Variants in KCNQ5 observed in about 807,000 individuals in gnomAD.
KCNQ5 encodes the protein potassium voltage-gated channel subfamily Q member 5, also known as potassium voltage-gated channel subfamily KQT member 5.
KCNQ5 carries 30 observed loss-of-function variants against 98.2 expected under a neutral mutation model. That is an observed-to-expected ratio of 0.31 (90% CI 0.23 to 0.41). The LOEUF is 0.41. KCNQ5 is among the 10% of genes least tolerant of loss of function. The pLI, the probability that KCNQ5 is intolerant of heterozygous loss-of-function variation, is 1.00. For synonymous variants in KCNQ5, 458 were observed against 449.4 expected, an observed-to-expected ratio of 1.02 and a Z score of -0.24; for missense variants, 835 against 1,182.5, an observed-to-expected ratio of 0.71 and a Z score of 4.31.
chr6:72,968,300 G>A (rs762815216), intron 1 of KCNQ5, among the ~76,000 whole-genome samples: 45 of 152,270 alleles, frequency 3.0e-4, no homozygotes, highest in Middle Eastern at 3.4e-3. Context: ...AAAACAGTCT[G>A]GGGAATACTG....
intron 5 of KCNQ5, among the ~76,000 whole-genome samples, chr6:73,078,167 G>A (rs917366102): frequency 6.6e-5 from 10 of 151,290 alleles, no homozygotes; most frequent in African/African-American, 2.4e-4. Context: ...TTAAAATGGT[G>A]ATTAAAACAT....
chr6:72,877,695 G>A (rs371086713), intron 1 of KCNQ5, among the ~76,000 whole-genome samples: 5 of 152,146 alleles, frequency 3.3e-5, no homozygotes, highest in African/African-American at 7.2e-5. Flanking sequence ...GTGTAAAAGC[G>A]TTCCTATTTC....
intron 9 of KCNQ5, among the ~76,000 whole-genome samples, chr6:73,127,920 T>C (rs1317284516): frequency 6.6e-6 from 1 of 151,978 alleles, no homozygotes; most frequent in Admixed American, 6.6e-5. Context: ...CAAAAATTAG[T>C]TGGGCGTGGT....
chr6:72,880,453 A>T (rs1778595021), intron 1 of KCNQ5, among the ~76,000 whole-genome samples: 1 of 152,076 alleles, frequency 6.6e-6, no homozygotes, highest in Admixed American at 6.6e-5. Flanking sequence ...TAAAGGCCCA[A>T]CCTCCAAATA....
intron 1 of KCNQ5, among the ~76,000 whole-genome samples, chr6:72,944,904 G>A (rs575533406): frequency 6.6e-6 from 1 of 152,192 alleles, no homozygotes; most frequent in Non-Finnish European, 1.5e-5. Context: ...CCTCATTGCT[G>A]CGTGGTGAAA....
chr6:72,944,006 A>T (rs1056754803), intron 1 of KCNQ5, among the ~76,000 whole-genome samples: 5 of 152,210 alleles, frequency 3.3e-5, no homozygotes, highest in African/African-American at 9.6e-5. Flanking sequence ...TTTATCAGAG[A>T]AAGTATCAGA....
intron 1 of KCNQ5, among the ~76,000 whole-genome samples, chr6:72,978,801 A>T (rs1332899029): frequency 6.6e-6 from 1 of 152,060 alleles, no homozygotes; most frequent in Non-Finnish European, 1.5e-5. Flanking sequence ...TACATTACAT[A>T]TTTCTCCTAA....
rs145704028 is a variant in KCNQ5 at position 72,827,627 on chromosome 6, T to C, written c.399-176281T>C. ...TGAGTTCCTTGTATATTCTAGATATTAATCCCCTATTGAATGAGTAGCTTA... is the reference window on the plus strand; with the variant it reads ...TGAGTTCCTTGTATATTCTAGATATCAATCCCCTATTGAATGAGTAGCTTA... On this transcript the variant is annotated intron_variant, in intron 1 of 13. Coordinates refer to ENST00000370398, the MANE Select transcript of KCNQ5 (RefSeq NM_019842.4). 5.4e-3 allele frequency among the ~76,000 whole-genome samples: 820 copies of C among 152,262 alleles called. 10 individuals carry two copies. Among genetic ancestry groups the C allele is most frequent in the African/African-American group, 0.017 (718 of 41,584 alleles).
intron 11 of KCNQ5, among the ~76,000 whole-genome samples, chr6:73,184,053 C>G (rs1433284387): frequency 6.6e-6 from 1 of 152,234 alleles, no homozygotes. Context: ...TCCATCCCAA[C>G]AGGCTCTTCC....
At chr6:73,183,510 A>C (rs1778471223) in intron 11 of KCNQ5, among the ~76,000 whole-genome samples, 1 of 152,224 alleles carries the variant, frequency 6.6e-6, no homozygotes, top group African/African-American at 2.4e-5. Context: ...CTCTGTGTCC[A>C]GCAGATGGAT....
chr6:72,761,287 TAAG>T (rs925184936), intron 1 of KCNQ5, among the ~76,000 whole-genome samples: 2 of 152,048 alleles, frequency 1.3e-5, no homozygotes, highest in Non-Finnish European at 2.9e-5. Context: ...AATACAGAGA[TAAG>T]AAGAACTTAA....
At chr6:72,725,928 T>C (rs527480223) in intron 1 of KCNQ5, among the ~76,000 whole-genome samples, 3 of 152,170 alleles carry the variant, frequency 2.0e-5, no homozygotes, top group Non-Finnish European at 4.4e-5. Flanking sequence ...ATCTACAAAA[T>C]CAGTTATGCA....
intron 3 of KCNQ5, among the ~76,000 whole-genome samples, chr6:73,043,856 A>G (rs1164689337): frequency 6.6e-6 from 1 of 152,206 alleles, no homozygotes; most frequent in Non-Finnish European, 1.5e-5. Context: ...CGGATACATC[A>G]ACACATCTTA....
At chr6:73,124,252 G>A (rs893866141) in intron 8 of KCNQ5, among the ~76,000 whole-genome samples, 2 of 152,184 alleles carry the variant, frequency 1.3e-5, no homozygotes, top group Non-Finnish European at 2.9e-5. Flanking sequence ...TATTCTATGT[G>A]GGCAGTCTTG....
intron 1 of KCNQ5, among the ~76,000 whole-genome samples, chr6:72,668,531 A>G (rs1328827437): frequency 6.6e-6 from 1 of 152,046 alleles, no homozygotes; most frequent in Non-Finnish European, 1.5e-5. Flanking sequence ...CATAACATGA[A>G]CTAGAACTTG....
At chr6:72,994,772 T>G (rs1461044305) in intron 1 of KCNQ5, among the ~76,000 whole-genome samples, 2 of 152,256 alleles carry the variant, frequency 1.3e-5, no homozygotes, top group African/African-American at 4.8e-5. Flanking sequence ...AATTGTTGGC[T>G]ATTAATAAGT....
At chr6:73,002,769 C>T (rs1033331802) in intron 1 of KCNQ5, among the ~76,000 whole-genome samples, 1 of 152,270 alleles carries the variant, frequency 6.6e-6, no homozygotes, top group South Asian at 2.1e-4. Context: ...ATGACTGTGA[C>T]TGTGTGCTGA....
chr6:72,930,951 G>A (rs1765668972), intron 1 of KCNQ5, among the ~76,000 whole-genome samples: 1 of 152,126 alleles, frequency 6.6e-6, no homozygotes, highest in South Asian at 2.1e-4. Context: ...CATACTTAAA[G>A]TAATAGGGAC....
intron 1 of KCNQ5, among the ~76,000 whole-genome samples, chr6:72,701,761 C>G (rs1044782694): frequency 9.2e-5 from 14 of 152,240 alleles, no homozygotes; most frequent in Admixed American, 4.6e-4. Context: ...GTCACCGAGG[C>G]TGGAGTGCAA....
Sources: gnomAD v4.1 joint callset for allele counts (sites outside exome capture counted in the v4.1 genomes callset) on GRCh38, gnomAD v4.1.1 for gene constraint, MANE v1.5 for transcripts, NCBI Gene and HGNC (gene_info 2026-07-23, HGNC 2026-07-21) for gene names.